Variants in FAM13A observed in about 807,000 individuals in gnomAD.
FAM13A encodes the protein family with sequence similarity 13 member A.
FAM13A carries 76 observed loss-of-function variants against 129.6 expected under a neutral mutation model. The observed-to-expected ratio is 0.59, with a 90% CI of 0.49 to 0.71. FAM13A has a LOEUF of 0.71. Among genes scored for constraint, FAM13A ranks in the 30% least tolerant of loss-of-function variants. The probability of loss-of-function intolerance (pLI) is 0.00; values close to 1 mark genes in which losing one functional copy is unlikely to be tolerated. For synonymous variants in FAM13A, 443 were observed against 449.9 expected (o/e 0.98, Z 0.20); for missense variants, 1,108 against 1,249.3 (o/e 0.89, Z 1.70).
At position 88,755,026 on chromosome 4, in the gene FAM13A, C is replaced by T. The variant is rs980755823; in HGVS notation, c.1726+3728G>A. Among the ~76,000 whole-genome samples, 12 of 152,156 alleles carry T rather than the reference C, an allele frequency of 7.9e-5. No individual in the cohort carries two copies. In the South Asian group the frequency reaches 8.3e-4, roughly 11 times the overall value. On this transcript the variant is annotated intron_variant, in intron 14 of 23. Coordinates refer to ENST00000264344, the MANE Select transcript of FAM13A (RefSeq NM_014883.4). Reference sequence around the variant, plus strand: ...TCTTCTCTCCCACTTCTCTGACAGTCGGGCTATCATTAACGCCCCGTCAAA... The same window carrying T: ...TCTTCTCTCCCACTTCTCTGACAGTTGGGCTATCATTAACGCCCCGTCAAA...
intron 4 of FAM13A, among the ~76,000 whole-genome samples, chr4:88,951,398 A>AGGGAAAATATCAT (rs1210444421): frequency 4.9e-4 from 75 of 152,298 alleles, no homozygotes; most frequent in African/African-American, 1.8e-3. Flanking sequence ...TTAAAGCAGG[A>AGGGAAAATATCAT]GGGAAAATAT....
chr4:88,947,453 A>G (rs1004216183), intron 4 of FAM13A, among the ~76,000 whole-genome samples: 2 of 152,118 alleles, frequency 1.3e-5, no homozygotes, highest in African/African-American at 4.8e-5. Flanking sequence ...CGCCCATGCT[A>G]AAGTTCCACA....
chr4:88,971,143 G>A (rs1269774882), intron 4 of FAM13A, among the ~76,000 whole-genome samples: 3 of 152,158 alleles, frequency 2.0e-5, no homozygotes, highest in South Asian at 2.1e-4. Flanking sequence ...GCATGAACCC[G>A]GGAGGCGGAG....
intron 21 of FAM13A, among the ~76,000 whole-genome samples, chr4:88,734,294 C>A (rs1225738705): frequency 6.6e-6 from 1 of 152,134 alleles, no homozygotes; most frequent in Non-Finnish European, 1.5e-5. Context: ...GTGACATGAA[C>A]CTGAAGGGCA....
At chr4:88,831,245 G>C (rs1267017817) in intron 7 of FAM13A, among the ~76,000 whole-genome samples, 3 of 152,186 alleles carry the variant, frequency 2.0e-5, no homozygotes, top group Non-Finnish European at 2.9e-5. Flanking sequence ...CCGGATAATA[G>C]TGTTTCTGTT....
intron 4 of FAM13A, among the ~76,000 whole-genome samples, chr4:88,963,425 G>T (rs1758910492): frequency 1.3e-5 from 2 of 151,788 alleles, no homozygotes; most frequent in African/African-American, 4.8e-5. Flanking sequence ...AGCCTCCCTG[G>T]TAGCTAGGAT....
intron 4 of FAM13A, among the ~76,000 whole-genome samples, chr4:88,957,291 T>C (rs1757902503): frequency 1.3e-5 from 2 of 151,824 alleles, no homozygotes; most frequent in Admixed American, 1.3e-4. Context: ...ATTGCACCAC[T>C]GCACTCCAGC....
chr4:88,949,811 CA>C (rs1015613421), intron 4 of FAM13A, among the ~76,000 whole-genome samples: 18 of 152,250 alleles, frequency 1.2e-4, no homozygotes, highest in African/African-American at 4.3e-4. Flanking sequence ...TGTCAGCTTC[CA>C]CTTTCCCCTC....
chr4:88,781,866 G>A (rs1310027961), intron 10 of FAM13A, among the ~76,000 whole-genome samples: 4 of 151,166 alleles, frequency 2.6e-5, no homozygotes, highest in African/African-American at 4.9e-5. Flanking sequence ...GGGAGGGATA[G>A]CATTAGGAGA....
intron 7 of FAM13A, among the ~76,000 whole-genome samples, chr4:88,849,442 T>C (rs1241266850): frequency 1.3e-5 from 2 of 152,338 alleles, no homozygotes; most frequent in East Asian, 3.9e-4. Flanking sequence ...GGTTCTCCTA[T>C]TTCGGTTCTT....
intron 4 of FAM13A, among the ~76,000 whole-genome samples, chr4:88,940,698 A>G (rs1754606954): frequency 6.6e-6 from 1 of 152,216 alleles, no homozygotes; most frequent in Non-Finnish European, 1.5e-5. Context: ...CAGTCAGGCA[A>G]AGGTCCCTTT....
rs965566693 is a variant in FAM13A at position 88,804,934 on chromosome 4, A to C, written c.1049+77T>G. The C allele has an allele frequency of 5.0e-6, 4 of 797,564 alleles. No individual in the cohort carries two copies. In the African/African-American group the frequency reaches 6.9e-5, roughly 14 times the overall value. 49.4% of individuals were successfully genotyped at this position (797,564 alleles called of 1,614,324 possible). The stretch of plus-strand genomic sequence containing the variant: ...ATGAATGTTCTATTGAAAGAGATTA[A>C]AATGAGCAAATAAACCCAAAGAAGC... On this transcript the variant is annotated intron_variant, in intron 8 of 23. Transcript: ENST00000264344.
At chr4:88,755,894 C>T (rs531409223) in intron 14 of FAM13A, among the ~76,000 whole-genome samples, 17 of 152,336 alleles carry the variant, frequency 1.1e-4, no homozygotes, top group African/African-American at 3.6e-4. Context: ...AGTGATCCTC[C>T]GGCTTCAGCC....
At chr4:88,933,402 T>C (rs1753357133) in intron 5 of FAM13A, among the ~76,000 whole-genome samples, 1 of 152,108 alleles carries the variant, frequency 6.6e-6, no homozygotes. Flanking sequence ...TCAGGGTCAA[T>C]AAGGAGAAAC....
At chr4:88,831,993 A>T (rs574629798) in intron 7 of FAM13A, among the ~76,000 whole-genome samples, 5 of 152,334 alleles carry the variant, frequency 3.3e-5, no homozygotes, top group Admixed American at 3.3e-4. Flanking sequence ...TTTATACTAC[A>T]AGGCTGCAGT....
At chr4:88,801,769 G>A (rs1727500136) in intron 8 of FAM13A, among the ~76,000 whole-genome samples, 1 of 152,154 alleles carries the variant, frequency 6.6e-6, no homozygotes, top group South Asian at 2.1e-4. Context: ...ATAGAAGTCT[G>A]ATGAAATGGG....
At chr4:89,017,072 C>T (rs539335458) in intron 3 of FAM13A, among the ~76,000 whole-genome samples, 3 of 152,244 alleles carry the variant, frequency 2.0e-5, no homozygotes, top group South Asian at 2.1e-4. Context: ...ATATAGCCTA[C>T]GTGTGTAGTA....
chr4:88,749,608 T>A (rs1014878761), intron 16 of FAM13A, among the ~76,000 whole-genome samples, 163 bp downstream of exon 16: 1 of 152,202 alleles, frequency 6.6e-6, no homozygotes, highest in African/African-American at 2.4e-5. Context: ...TGATACATAA[T>A]GACTGGGGTT....
chr4:89,004,962 T>C (rs1024582924), intron 3 of FAM13A, among the ~76,000 whole-genome samples: 4 of 141,478 alleles, frequency 2.8e-5, no homozygotes, highest in East Asian at 2.0e-4. Flanking sequence ...GTTTGTTACA[T>C]AGGTAAACTC....
Sources: allele counts gnomAD v4.1 joint callset (sites outside exome capture counted in the v4.1 genomes callset), GRCh38; gene constraint gnomAD v4.1.1; transcripts MANE v1.5; gene names NCBI Gene and HGNC (gene_info 2026-07-23, HGNC 2026-07-21).